Variants in AKAP8L observed in about 807,000 individuals in gnomAD.
The protein encoded by AKAP8L is A-kinase anchoring protein 8 like.
A neutral mutation model predicts 77.5 loss-of-function variants in AKAP8L; 34 were observed. That is an observed-to-expected ratio of 0.44 (90% CI 0.33 to 0.58). The LOEUF is 0.58. Ranked by LOEUF, AKAP8L falls within the 20% of genes least tolerant of loss-of-function variation. The pLI is 0.02. For synonymous variants in AKAP8L, 342 were observed against 340.7 expected (o/e 1.00, Z -0.04); for missense variants, 806 against 887.6 (o/e 0.91, Z 1.17).
chr19:15,394,684 C>T (rs1159180121), intron 12 of AKAP8L, among the ~76,000 whole-genome samples: 1 of 152,090 alleles, frequency 6.6e-6, no homozygotes, highest in Non-Finnish European at 1.5e-5. Flanking sequence ...GCTGGGATTG[C>T]AGGCATGAGC....
In AKAP8L at chr19:15,397,547, T is replaced by C. The variant is rs781614073; in HGVS notation, c.1378A>G (p.Ile460Val). 12 of 1,613,678 alleles carry C rather than the reference T, an allele frequency of 7.4e-6. No homozygotes were observed. In the South Asian group the frequency reaches 1.2e-4, roughly 16 times the overall value. ...TGGGTCAGATCCTGGTCTCTGTAGA[T>C]TTGCTGGATGAGGCCATCAAGGTCC... is the stretch of plus-strand genomic sequence containing the variant. ...VEDLDGLIQQ[I>V]YRDQDLTQEI... The change falls in exon 11 of 14, where the codon ATC (isoleucine) becomes GTC (valine). Residue 460 changes from isoleucine to valine, a missense_variant. This residue lies in a region of AKAP8L where 580 missense variants were observed against 694.1 expected (regional missense o/e 0.84). Coordinates refer to ENST00000397410, the MANE Select transcript of AKAP8L (RefSeq NM_014371.4). This position sits in a 1 kb window ranked among gnomAD's most constrained non-coding sequence, Gnocchi z 4.7.
intron 12 of AKAP8L, among the ~76,000 whole-genome samples, chr19:15,382,975 A>G (rs533908042): frequency 9.9e-5 from 15 of 152,282 alleles, no homozygotes; most frequent in African/African-American, 3.6e-4. Context: ...AAAACACACC[A>G]TTTATTTCCC....
chr19:15,415,001 C>T (rs1599624446), intron 1 of AKAP8L, among the ~76,000 whole-genome samples: 1 of 152,306 alleles, frequency 6.6e-6, no homozygotes, highest in African/African-American at 2.4e-5. Flanking sequence ...TTTTGAGAGA[C>T]AGGGTCTCAC....
chr19:15,400,346 C>T lies in AKAP8L; in HGVS notation c.997G>A (p.Glu333Lys), dbSNP rs748251479. 2 of 1,613,724 alleles carry T rather than the reference C, an allele frequency of 1.2e-6. No homozygotes were observed. The highest frequency in any genetic ancestry group is 8.5e-7 in the Non-Finnish European group (1 of 1,179,768). The change falls in exon 8 of 14, where the codon GAG becomes AAG. Residue 333 changes from glutamate (E) to lysine (K), a missense_variant. By Grantham distance (56) the Glu-to-Lys change is moderately conservative. This residue lies in a region of AKAP8L where 580 missense variants were observed against 694.1 expected (regional missense o/e 0.84). Transcript: ENST00000397410. ...EKGSRVDGEDEEGKEDGREEG... is the reference protein window; with the variant it reads ...EKGSRVDGEDKEGKEDGREEG... ...TCTCTCCCATCCTCTTTTCCCTCCT[C>T]ATCCTCTCCGTCCTAACAATTTCAA...
intron 1 of AKAP8L, among the ~76,000 whole-genome samples, chr19:15,416,108 T>C (rs1482200525): frequency 6.6e-6 from 1 of 151,572 alleles, no homozygotes; most frequent in East Asian, 1.9e-4. Context: ...ATTACAAGTG[T>C]GAGCCACCGT....
intron 1 of AKAP8L, among the ~76,000 whole-genome samples, chr19:15,413,434 T>C (rs1442550746): frequency 1.3e-5 from 2 of 152,300 alleles, no homozygotes; most frequent in East Asian, 3.9e-4. Context: ...CCCAGCTTCA[T>C]CTTCACTTTC....
At chr19:15,414,945 C>T (rs926803889) in intron 1 of AKAP8L, among the ~76,000 whole-genome samples, 2 of 152,198 alleles carry the variant, frequency 1.3e-5, no homozygotes, top group Non-Finnish European at 1.5e-5. Flanking sequence ...ACTATAGCCA[C>T]GCACCACCAG....
Position 15,414,192 on chromosome 19 carries a change from G to A in AKAP8L, c.14-3598C>T, listed in dbSNP as rs141104070. Among the ~76,000 whole-genome samples the A allele has an allele frequency of 6.9e-3, 1,046 of 151,272 alleles. 14 individuals carry two copies. The highest frequency in any genetic ancestry group is 0.02 in the African/African-American group (842 of 41,188). On this transcript the variant is annotated intron_variant, in intron 1 of 13. Coordinates refer to ENST00000397410, the MANE Select transcript of AKAP8L (RefSeq NM_014371.4). ...CGATTCTCCTGCCTCAGCCTCCCGA[G>A]TAGCTGGGATTACAGGCATGCGCCA...
At position 15,399,021 on chromosome 19, in the gene AKAP8L, G is replaced by A. The variant is rs1163192480; in HGVS notation, c.1157+281C>T. Reference sequence around the variant, plus strand: ...GCCCCCAGTGCACCTTGGGGTTCGTGCGCCGAGTGACCTAGCGCCAGAGCT... The same window carrying A: ...GCCCCCAGTGCACCTTGGGGTTCGTACGCCGAGTGACCTAGCGCCAGAGCT... On this transcript the variant is annotated intron_variant, in intron 9 of 13. Transcript: ENST00000397410. This position sits in a 1 kb window ranked among gnomAD's most constrained non-coding sequence, Gnocchi z 6.1. The A allele has an allele frequency of 4.4e-6, 2 of 457,866 alleles. No individual in the cohort carries two copies. Among genetic ancestry groups the A allele is most frequent in the Non-Finnish European group, 8.0e-6 (2 of 250,796 alleles). The allele number at this position is 457,866 out of a possible 1,614,324, so 28.4% of individuals were successfully genotyped here. A position where few individuals can be genotyped will look rare whatever the true frequency, so the allele number is the denominator to read the frequency against.
In AKAP8L at chr19:15,397,309, G is replaced by A; in HGVS notation, c.1406-29C>T. On this transcript the variant is annotated intron_variant, in intron 11 of 13. Coordinates refer to ENST00000397410, the MANE Select transcript of AKAP8L (RefSeq NM_014371.4). This position sits in a 1 kb window ranked among gnomAD's most constrained non-coding sequence, Gnocchi z 4.7. ...TAGTGGGGAGGAGGGAGTCACCACT[G>A]GGCCCAGGTGCCTAAGATAGACCCA... The A allele has an allele frequency of 1.2e-6, 2 of 1,613,212 alleles. No individual in the cohort carries two copies. Among genetic ancestry groups the A allele is most frequent in the African/African-American group, 2.7e-5 (2 of 75,014 alleles).
chr19:15,399,618 C>T lies in AKAP8L; in HGVS notation c.1049-208G>A, dbSNP rs1967849663. 4 of 582,952 alleles carry T rather than the reference C, an allele frequency of 6.9e-6. No homozygotes were observed. The highest frequency in any genetic ancestry group is 3.9e-5 in the South Asian group (2 of 50,898). 36.1% of individuals were successfully genotyped at this position (582,952 alleles called of 1,614,324 possible). On this transcript the variant is annotated intron_variant, in intron 8 of 13. Transcript: ENST00000397410. The surrounding 1 kb of genome is among the most constrained non-coding windows in gnomAD (Gnocchi z 6.1). ...TAGGCCCCAAGGAGTGGGGGCCAGGCGATGACCCCTCCACTCTCCAGGACA... is the reference window on the plus strand; with the variant it reads ...TAGGCCCCAAGGAGTGGGGGCCAGGTGATGACCCCTCCACTCTCCAGGACA...
At chr19:15,382,920 T>C (rs192774491) in intron 12 of AKAP8L, among the ~76,000 whole-genome samples, 103 of 152,336 alleles carry the variant, frequency 6.8e-4, no homozygotes, top group Non-Finnish European at 5.0e-4. Flanking sequence ...AATCTGTATA[T>C]GTTATGAGGT....
chr19:15,384,449 A>T (rs887772067), intron 12 of AKAP8L, among the ~76,000 whole-genome samples: 1 of 150,754 alleles, frequency 6.6e-6, no homozygotes, highest in African/African-American at 2.4e-5. Flanking sequence ...ACAGGCGCCC[A>T]CCACCACGCC....
intron 2 of AKAP8L, 151 bp from the exon 3 acceptor site, chr19:15,404,193 A>C: frequency 2.9e-6 from 2 of 700,130 alleles, no homozygotes; most frequent in Non-Finnish European, 4.8e-6. Flanking sequence ...CACTGCGCAA[A>C]TGACCCAGGC....
chr19:15,416,783 C>G (rs1968215103), intron 1 of AKAP8L, among the ~76,000 whole-genome samples: 1 of 152,202 alleles, frequency 6.6e-6, no homozygotes, highest in South Asian at 2.1e-4. Context: ...GCTAGAGATG[C>G]AGCTTCCTTT....
At chr19:15,412,775 C>T (rs1968131657) in intron 1 of AKAP8L, among the ~76,000 whole-genome samples, 1 of 152,232 alleles carries the variant, frequency 6.6e-6, no homozygotes, top group South Asian at 2.1e-4. Flanking sequence ...ATCTCCTAAC[C>T]TTGTGATCCG....
At chr19:15,393,468 C>T (rs761348760) in intron 12 of AKAP8L, among the ~76,000 whole-genome samples, 1 of 152,094 alleles carries the variant, frequency 6.6e-6, no homozygotes, top group Admixed American at 6.6e-5. Context: ...AAAGACAACA[C>T]AATTAAAAAA....
At chr19:15,404,145 C>A (rs1967953898) in intron 2 of AKAP8L, 103 bp from the exon 3 acceptor site, 1 of 1,206,556 alleles carries the variant, frequency 8.3e-7, no homozygotes, top group Non-Finnish European at 1.2e-6. Flanking sequence ...TCAGAGCAGG[C>A]TGCACCTCCC....
chr19:15,405,728 C>T (rs1299643813), intron 2 of AKAP8L, among the ~76,000 whole-genome samples: 1 of 151,604 alleles, frequency 6.6e-6, no homozygotes, highest in Non-Finnish European at 1.5e-5. Context: ...TCGAGACCAG[C>T]CTGGCCAATA....
Sources: allele counts gnomAD v4.1 joint callset (sites outside exome capture counted in the v4.1 genomes callset), GRCh38; gene constraint gnomAD v4.1.1; regional missense constraint gnomAD v4.1.1; non-coding constraint Gnocchi (gnomAD v3.1); transcripts MANE v1.5; gene names NCBI Gene and HGNC (gene_info 2026-07-23, HGNC 2026-07-21).